GRM7: variants seen among roughly 807,000 people sequenced by gnomAD.
GRM7 encodes glutamate metabotropic receptor 7, also known as metabotropic glutamate receptor 7.
Under a neutral mutation model 84.5 loss-of-function variants are expected in GRM7, and 35 were observed. That is an observed-to-expected ratio of 0.41 (90% confidence interval 0.32 to 0.55). The LOEUF is 0.55. GRM7 is among the 20% of genes least tolerant of loss of function. The pLI is 0.19. For missense variants in GRM7, 1,003 were observed against 1,194.6 expected, an observed-to-expected ratio of 0.84 and a Z score of 2.36; for synonymous variants, 487 against 455.1, an observed-to-expected ratio of 1.07 and a Z score of -0.89.
At chr3:7,131,007 TAA>T in intron 1 of GRM7, among the ~76,000 whole-genome samples, 1 of 152,190 alleles carries the variant, frequency 6.6e-6, no homozygotes, top group Non-Finnish European at 1.5e-5. Flanking sequence ...TAGTCCTGAA[TAA>T]ACTTCACTAG....
intron 2 of GRM7, among the ~76,000 whole-genome samples, chr3:7,234,944 A>C (rs115068435): frequency 0.013 from 1,909 of 152,354 alleles, 12 homozygotes; most frequent in Non-Finnish European, 0.019. Context: ...AGGCTTCTGC[A>C]AAATAATGTT....
chr3:7,023,507 G>A (rs148292987), intron 1 of GRM7, among the ~76,000 whole-genome samples: 4 of 152,132 alleles, frequency 2.6e-5, no homozygotes, highest in South Asian at 2.1e-4. Flanking sequence ...CACTCACCGC[G>A]TGAGTCTTCT....
intron 1 of GRM7, among the ~76,000 whole-genome samples, chr3:6,930,218 G>T (rs909446314): frequency 5.9e-5 from 9 of 152,124 alleles, no homozygotes; most frequent in African/African-American, 2.2e-4. Flanking sequence ...TAGTATTAGA[G>T]ATAATATATG....
At chr3:7,027,001 C>G (rs1328332188) in intron 1 of GRM7, among the ~76,000 whole-genome samples, 1 of 152,224 alleles carries the variant, frequency 6.6e-6, no homozygotes, top group Non-Finnish European at 1.5e-5. Flanking sequence ...TCATGCCATC[C>G]TCTTGCCCTA....
rs1553612672 is a variant in GRM7, at chr3:7,064,505, C to CACAT, written c.520-81946_520-81945insCATA. Among the ~76,000 whole-genome samples, 110 of 101,002 alleles carry CACAT rather than the reference C, an allele frequency of 1.1e-3. 7 individuals are homozygous for CACAT. The highest frequency in any genetic ancestry group is 1.9e-3 in the Admixed American group (18 of 9,244). 66.3% of individuals were successfully genotyped at this position (101,002 alleles called of 152,430 possible). On this transcript the variant is annotated intron_variant, in intron 1 of 9. Transcript: ENST00000357716. ...ACACACATATACATATATATATACA[C>CACAT]ATATATATATATACACACACACACA...
At chr3:7,257,288 T>C (rs541851331) in intron 2 of GRM7, among the ~76,000 whole-genome samples, 1 of 152,348 alleles carries the variant, frequency 6.6e-6, no homozygotes, top group Non-Finnish European at 1.5e-5. Context: ...TGTTGTCCAT[T>C]ATATCCTCCA....
chr3:6,983,579 G>T (rs1268415369), intron 1 of GRM7, among the ~76,000 whole-genome samples: 1 of 152,040 alleles, frequency 6.6e-6, no homozygotes, highest in Non-Finnish European at 1.5e-5. Flanking sequence ...TACATAAAAT[G>T]AACTCAAGGT....
chr3:7,733,061 A>C (rs1254508645), intron 9 of GRM7, among the ~76,000 whole-genome samples: 1 of 152,174 alleles, frequency 6.6e-6, no homozygotes, highest in African/African-American at 2.4e-5. Context: ...GGTCACTTTC[A>C]TCACTGTCTT....
rs932212519 is a variant in GRM7 at position 6,935,504 on chromosome 3, T to C, written c.519+73597T>C. Among the ~76,000 whole-genome samples the C allele has an allele frequency of 4.0e-5, 6 of 151,868 alleles. No homozygotes were observed. The South Asian group carries it at 1.2e-3, about 32-fold the overall frequency. ...ATATATTCTTTGTGACAGTTTCTGG[T>C]TTATTGCCCCTCAAGGTCTAAATTC... On this transcript the variant is annotated intron_variant, in intron 1 of 9. Coordinates refer to ENST00000357716, the MANE Select transcript of GRM7 (RefSeq NM_000844.4).
chr3:7,237,335 G>A (rs1697381988), intron 2 of GRM7, among the ~76,000 whole-genome samples: 1 of 152,128 alleles, frequency 6.6e-6, no homozygotes, highest in African/African-American at 2.4e-5. Flanking sequence ...AATAGCTAGT[G>A]AATAATCATT....
chr3:7,688,001 G>A (rs772884216), intron 9 of GRM7, among the ~76,000 whole-genome samples: 2 of 151,896 alleles, frequency 1.3e-5, no homozygotes, highest in Non-Finnish European at 2.9e-5. Context: ...GAGATTTCAA[G>A]TTTTTTTTGT....
intron 7 of GRM7, among the ~76,000 whole-genome samples, chr3:7,491,752 T>C (rs573589684): frequency 6.6e-6 from 1 of 152,326 alleles, no homozygotes; most frequent in South Asian, 2.1e-4. Context: ...TTTTCTTCAT[T>C]TGAAAAGACA....
chr3:7,253,278 T>C (rs1698072098), intron 2 of GRM7, among the ~76,000 whole-genome samples: 1 of 152,150 alleles, frequency 6.6e-6, no homozygotes, highest in Non-Finnish European at 1.5e-5. Context: ...ACAATGACAA[T>C]ATTCCAATGT....
chr3:7,247,581 G>T, intron 2 of GRM7, among the ~76,000 whole-genome samples: 1 of 135,862 alleles, frequency 7.4e-6, no homozygotes, highest in Admixed American at 7.7e-5. Context: ...GTAATAGAAT[G>T]AGACACTCTC....
chr3:7,376,974 C>T (rs911654107), intron 4 of GRM7, among the ~76,000 whole-genome samples: 10 of 152,120 alleles, frequency 6.6e-5, no homozygotes, highest in African/African-American at 1.7e-4. Context: ...GCCAAACGTC[C>T]CCTGGGGGAC....
chr3:7,621,740 G>GA (rs1697368096), intron 8 of GRM7, among the ~76,000 whole-genome samples: 2 of 152,028 alleles, frequency 1.3e-5, no homozygotes, highest in African/African-American at 4.8e-5. Flanking sequence ...AGCAATTACA[G>GA]AAAACGATGA....
intron 5 of GRM7, among the ~76,000 whole-genome samples, chr3:7,447,516 A>G (rs2124882691): frequency 6.6e-6 from 1 of 152,238 alleles, no homozygotes; most frequent in South Asian, 2.1e-4. Flanking sequence ...GGTGATTTCA[A>G]GCTTGGCTAA....
chr3:7,496,545 T>G (rs1011285574), intron 7 of GRM7, among the ~76,000 whole-genome samples: 4 of 152,166 alleles, frequency 2.6e-5, no homozygotes, highest in Non-Finnish European at 4.4e-5. Context: ...AGTCCTGGAT[T>G]AGATCTTATA....
chr3:7,228,599 G>A (rs535621680), intron 2 of GRM7, among the ~76,000 whole-genome samples: 8 of 152,122 alleles, frequency 5.3e-5, no homozygotes, highest in Admixed American at 2.6e-4. Context: ...TTTATATCCC[G>A]TGTATACGGA....
Sources: allele counts gnomAD v4.1 joint callset (sites outside exome capture counted in the v4.1 genomes callset), GRCh38; gene constraint gnomAD v4.1.1; transcripts MANE v1.5; gene names NCBI Gene and HGNC (gene_info 2026-07-23, HGNC 2026-07-21).